Variants in DAB2IP observed in about 807,000 individuals in gnomAD.
The protein encoded by DAB2IP is DAB2 interacting protein.
DAB2IP carries 28 observed loss-of-function variants against 107.2 expected under a neutral mutation model. That is an observed-to-expected ratio of 0.26 (90% CI 0.19 to 0.36). The LOEUF is 0.36. Among genes scored for constraint, DAB2IP ranks in the 10% least tolerant of loss-of-function variants. The probability of loss-of-function intolerance (pLI) is 1.00; values close to 1 mark genes in which losing one functional copy is unlikely to be tolerated. For missense variants in DAB2IP, 1,400 were observed against 1,644.7 expected, an observed-to-expected ratio of 0.85 and a Z score of 2.57; for synonymous variants, 755 against 706.4, an observed-to-expected ratio of 1.07 and a Z score of -1.09.
In DAB2IP at chr9:121,699,252, C is replaced by T. The variant is rs1241705505; in HGVS notation, c.229-73C>T. The stretch of plus-strand genomic sequence containing the variant: ...CGGCCGCCCAGCAAGGGTGCGGGTC[C>T]CGCGCGGGTCCCGGCCCGCCGCCGC... On this transcript the variant is annotated intron_variant, in intron 2 of 15. Transcript: ENST00000408936. The surrounding 1 kb of genome is among the most constrained non-coding windows in gnomAD (Gnocchi z 6.2). The T allele has an allele frequency of 3.4e-6, 4 of 1,187,276 alleles. No homozygotes were observed. Among genetic ancestry groups the T allele is most frequent in the Non-Finnish European group, 4.2e-6 (4 of 947,076 alleles). The allele number at this position is 1,187,276 out of a possible 1,614,324, so 73.5% of individuals were successfully genotyped here.
exon 16 of DAB2IP, chr9:121,783,342 A>ATGGCTCTGAGCACTGTATCTGCCTTCTCC: frequency 2.1e-6 from 3 of 1,451,094 alleles, no homozygotes; most frequent in Non-Finnish European, 2.7e-6. Context: ...ATCTGGCCAG[A>ATGGCTCTGAGCACTGTATCTGCCTTCTCC]TGGCTCTGAG....
chr9:121,631,251 G>C (rs1831868174), intron 1 of DAB2IP, among the ~76,000 whole-genome samples: 1 of 152,232 alleles, frequency 6.6e-6, no homozygotes, highest in Non-Finnish European at 1.5e-5. Context: ...ACTGTCAGGA[G>C]TTCAGAGGAG....
intron 1 of DAB2IP, among the ~76,000 whole-genome samples, chr9:121,592,166 G>A (rs1830432541): frequency 6.6e-6 from 1 of 152,128 alleles, no homozygotes; most frequent in Non-Finnish European, 1.5e-5. Context: ...TCAGGGGTTT[G>A]AGACCAGCAT....
intron 1 of DAB2IP, among the ~76,000 whole-genome samples, chr9:121,597,266 A>G (rs1168849003): frequency 6.6e-6 from 1 of 152,166 alleles, no homozygotes; most frequent in African/African-American, 2.4e-5. Flanking sequence ...AGTTTTCAGT[A>G]CACCTGGAAC....
intron 3 of DAB2IP, among the ~76,000 whole-genome samples, chr9:121,732,886 C>T (rs568548737): frequency 2.6e-5 from 4 of 152,238 alleles, no homozygotes; most frequent in South Asian, 2.1e-4. Context: ...AAATACCTAG[C>T]GCTGGGCCTG....
intron 1 of DAB2IP, among the ~76,000 whole-genome samples, chr9:121,668,942 G>A (rs561448663): frequency 1.7e-5 from 2 of 114,826 alleles, no homozygotes; most frequent in African/African-American, 3.4e-5. Flanking sequence ...TGGAGACAGA[G>A]CCTTGCTTTG....
At chr9:121,587,066 C>T (rs1375043059) in intron 1 of DAB2IP, among the ~76,000 whole-genome samples, 1 of 152,182 alleles carries the variant, frequency 6.6e-6, no homozygotes, top group African/African-American at 2.4e-5. Flanking sequence ...TTAACAGTCT[C>T]TTGTCCCCTC....
chr9:121,646,015 G>A (rs1340040746), intron 1 of DAB2IP, among the ~76,000 whole-genome samples: 1 of 152,060 alleles, frequency 6.6e-6, no homozygotes, highest in Non-Finnish European at 1.5e-5. Flanking sequence ...GGCCTGTCCC[G>A]AGGGCTCTGC....
intron 3 of DAB2IP, among the ~76,000 whole-genome samples, chr9:121,732,184 G>A (rs761446814): frequency 1.3e-5 from 2 of 152,150 alleles, no homozygotes; most frequent in African/African-American, 2.4e-5. Flanking sequence ...ACTATGCTGG[G>A]TGTTGCCTAG....
At chr9:121,637,082 C>T (rs1408479166) in intron 1 of DAB2IP, among the ~76,000 whole-genome samples, 1 of 152,324 alleles carries the variant, frequency 6.6e-6, no homozygotes, top group East Asian at 1.9e-4. Context: ...AGCCTCCAGC[C>T]CCTTCTCATC....
upstream of DAB2IP, among the ~76,000 whole-genome samples, chr9:121,649,573 GC>G (rs1832666547): frequency 6.6e-6 from 1 of 152,204 alleles, no homozygotes; most frequent in South Asian, 2.1e-4. Context: ...ATGAACTCAG[GC>G]CCTGGGAGCA....
chr9:121,767,877 G>A (rs1325302443), intron 9 of DAB2IP, among the ~76,000 whole-genome samples: 2 of 152,176 alleles, frequency 1.3e-5, no homozygotes, highest in African/African-American at 4.8e-5. Flanking sequence ...TCAGTGGGCC[G>A]TGCCATTTGG....
chr9:121,705,212 G>A (rs1177540757), intron 3 of DAB2IP, among the ~76,000 whole-genome samples: 1 of 152,228 alleles, frequency 6.6e-6, no homozygotes, highest in Non-Finnish European at 1.5e-5. Context: ...TCAAAGGCTG[G>A]AGAAGCCTTT....
intron 1 of DAB2IP, among the ~76,000 whole-genome samples, chr9:121,627,263 C>A (rs568434579): frequency 6.6e-6 from 1 of 152,114 alleles, no homozygotes; most frequent in Non-Finnish European, 1.5e-5. Context: ...TGTCGGTATA[C>A]ACATTTCCAC....
At chr9:121,626,423 C>T (rs1831648687) in intron 1 of DAB2IP, among the ~76,000 whole-genome samples, 1 of 112,190 alleles carries the variant, frequency 8.9e-6, no homozygotes, top group East Asian at 2.2e-4. Flanking sequence ...AGACGAGAAA[C>T]CTTTTTTTTT....
At chr9:121,751,173 C>T (rs757900029) in intron 3 of DAB2IP, 24 of 175,490 alleles carry the variant, frequency 1.4e-4, no homozygotes, top group Non-Finnish European at 2.4e-4. Flanking sequence ...TCCCCCTGCC[C>T]GGCTGCTATG....
chr9:121,783,341 G>C (rs1028199937), exon 16 of DAB2IP: 4 of 1,451,144 alleles, frequency 2.8e-6, no homozygotes, highest in Admixed American at 2.5e-5. Context: ...GATCTGGCCA[G>C]ATGGCTCTGA....
At chr9:121,755,220 C>A (rs1049206077) in intron 3 of DAB2IP, among the ~76,000 whole-genome samples, 3 of 152,150 alleles carry the variant, frequency 2.0e-5, no homozygotes, top group Non-Finnish European at 4.4e-5. Flanking sequence ...TCCAACACAG[C>A]GGTGTGGCGG....
At chr9:121,628,178 G>A (rs1831737854) in intron 1 of DAB2IP, among the ~76,000 whole-genome samples, 2 of 152,244 alleles carry the variant, frequency 1.3e-5, no homozygotes, top group Admixed American at 1.3e-4. Flanking sequence ...CAGTGAATCT[G>A]CTGACTTTGT....
Sources: gnomAD v4.1 joint callset for allele counts (sites outside exome capture counted in the v4.1 genomes callset) on GRCh38, gnomAD v4.1.1 for gene constraint, Gnocchi (gnomAD v3.1) non-coding constraint, MANE v1.5 for transcripts, NCBI Gene and HGNC (gene_info 2026-07-23, HGNC 2026-07-21) for gene names.